EML6: variants seen among roughly 807,000 people sequenced by gnomAD.
EML6 encodes the protein EMAP like 6.
A neutral mutation model predicts 240.1 loss-of-function variants in EML6; 154 were observed. The observed-to-expected ratio is 0.64, with a 90% CI of 0.56 to 0.73. EML6 has a LOEUF of 0.73. EML6 is among the 30% of genes least tolerant of loss of function. The pLI is 0.00. For missense variants in EML6, 2,964 were observed against 2,474.6 expected (o/e 1.20, Z -4.20); for synonymous variants, 1,148 against 899.0 (o/e 1.28, Z -4.95).
At chr2:54,766,263 C>T (rs1668184548) in intron 2 of EML6, among the ~76,000 whole-genome samples, 2 of 152,132 alleles carry the variant, frequency 1.3e-5, no homozygotes, top group Non-Finnish European at 2.9e-5. Flanking sequence ...TGGCAATTGT[C>T]CCAATAATGT....
intron 7 of EML6, among the ~76,000 whole-genome samples, chr2:54,832,743 C>CA (rs1186692660): frequency 7.1e-6 from 1 of 141,652 alleles, no homozygotes; most frequent in Middle Eastern, 3.7e-3. Flanking sequence ...GTCCTCCCCA[C>CA]CCCCCCGCCA....
At chr2:54,767,597 A>AGTGT (rs111232633) in intron 2 of EML6, among the ~76,000 whole-genome samples, 4,144 of 145,456 alleles carry the variant, frequency 0.028, 148 homozygotes, top group African/African-American at 0.083. Context: ...TGGTATGAAG[A>AGTGT]GTGTGTGTGT....
At chr2:54,952,737 C>G (rs376570674) in intron 31 of EML6, 45 bp downstream of exon 31, 1 of 1,297,608 alleles carries the variant, frequency 7.7e-7, no homozygotes. Context: ...CTTGCAGGGA[C>G]GCTGACCTGT....
intron 3 of EML6, among the ~76,000 whole-genome samples, chr2:54,813,835 C>T (rs888994251): frequency 1.3e-5 from 2 of 152,204 alleles, no homozygotes; most frequent in African/African-American, 2.4e-5. Context: ...TGACTCTTTA[C>T]CCCTTGATGT....
At chr2:54,806,006 A>T (rs149319606) in intron 2 of EML6, among the ~76,000 whole-genome samples, 97 of 152,122 alleles carry the variant, frequency 6.4e-4, no homozygotes, top group Non-Finnish European at 7.4e-4. Flanking sequence ...ATTGATTTGT[A>T]TGTCTATCCT....
Position 54,816,826 on chromosome 2 carries a change from T to A in EML6, c.397T>A (p.Cys133Ser), listed in dbSNP as rs1208502333. The A allele has an allele frequency of 6.4e-7, 1 of 1,551,604 alleles. No homozygotes were observed. The highest frequency in any genetic ancestry group is 2.0e-5 in the Admixed American group (1 of 50,996). Reference protein sequence around the residue: ...SVGLDAKNTVCIWDWRKGKLL... With the variant: ...SVGLDAKNTVSIWDWRKGKLL... ...GGGGTTGGATGCCAAAAACACAGTC[T>A]GCATTTGGGACTGGAGGAAGGGAAA... Residue 133 changes from cysteine to serine, a missense_variant, in exon 4 of 42, where the codon TGC (cysteine) becomes AGC (serine). Cys to Ser is a moderately radical substitution (Grantham distance 112, BLOSUM62 -1). Transcript: ENST00000356458.
At chr2:54,932,542 A>C (rs1246711002) in intron 28 of EML6, among the ~76,000 whole-genome samples, 1 of 152,020 alleles carries the variant, frequency 6.6e-6, no homozygotes, top group East Asian at 1.9e-4. Flanking sequence ...TTTTGACCTT[A>C]TCTCCTTTGC....
intron 2 of EML6, among the ~76,000 whole-genome samples, chr2:54,748,864 G>C (rs921685682): frequency 2.6e-5 from 4 of 152,168 alleles, no homozygotes; most frequent in Non-Finnish European, 5.9e-5. Flanking sequence ...TCCCTGGCCA[G>C]AATCCCTGGA....
chr2:54,755,580 A>G (rs537661023), intron 2 of EML6, among the ~76,000 whole-genome samples: 2 of 152,238 alleles, frequency 1.3e-5, no homozygotes, highest in Non-Finnish European at 2.9e-5. Flanking sequence ...ATCTCTACGT[A>G]TTTGATGGGT....
rs1192756567 is a variant in EML6 at position 54,860,377 on chromosome 2, G to GAGA, written c.1825+679_1825+681dup. 3.3e-5 allele frequency among the ~76,000 whole-genome samples: 5 copies of GAGA among 152,290 alleles called. No individual in the cohort carries two copies. In the East Asian group the frequency reaches 5.8e-4, roughly 18 times the overall value. ...GGACTTCATCCCCTGGAGCAGTTCT[G>GAGA]AGAAGGAGCTTAAAAAATGCAGCCC... On this transcript the variant is annotated intron_variant, in intron 12 of 41. Coordinates refer to ENST00000356458, the MANE Select transcript of EML6 (RefSeq NM_001039753.4).
intron 2 of EML6, among the ~76,000 whole-genome samples, chr2:54,782,183 CT>C (rs761469197): frequency 6.6e-6 from 1 of 152,104 alleles, no homozygotes; most frequent in Non-Finnish European, 1.5e-5. Context: ...TCAAAAGTAT[CT>C]TTTCTGTACG....
chr2:54,838,342 C>T (rs372073996), intron 7 of EML6, among the ~76,000 whole-genome samples: 1 of 152,170 alleles, frequency 6.6e-6, no homozygotes, highest in African/African-American at 2.4e-5. Flanking sequence ...GACACTGGGT[C>T]ATGTGTTGTT....
chr2:54,874,366 G>T (rs1435846693), intron 16 of EML6, among the ~76,000 whole-genome samples: 1 of 152,200 alleles, frequency 6.6e-6, no homozygotes, highest in African/African-American at 2.4e-5. Context: ...TGAGGAGCCC[G>T]ATTCTGTAAC....
chr2:54,963,888 C>T (rs981665280), intron 36 of EML6, 98 bp from the exon 37 acceptor site: 11 of 1,150,714 alleles, frequency 9.6e-6, no homozygotes, highest in African/African-American at 9.4e-5. Flanking sequence ...GCAGTGGCTG[C>T]GAGGGCAGCC....
chr2:54,900,658 C>T (rs1021038396), intron 22 of EML6, among the ~76,000 whole-genome samples: 1 of 152,184 alleles, frequency 6.6e-6, no homozygotes, highest in East Asian at 1.9e-4. Flanking sequence ...AATGGCCCGG[C>T]CTCCCTATTC....
In EML6 at chr2:54,967,245, G is replaced by C. The variant is rs754352202; in HGVS notation, c.5597+142G>C. ...TTTCTTTTGGGGGTGAGGGTGGGAG[G>C]CTTCTTGGCTAGTCTAGTTTAGGTC... On this transcript the variant is annotated intron_variant, in intron 39 of 41. Transcript: ENST00000356458. 4 of 576,710 alleles carry C rather than the reference G, an allele frequency of 6.9e-6. No homozygotes were observed. In the Admixed American group the frequency reaches 8.9e-5, roughly 13 times the overall value. The allele number at this position is 576,710 out of a possible 1,614,324, so 35.7% of individuals were successfully genotyped here.
At chr2:54,849,268 A>G (rs1347082287) in intron 9 of EML6, among the ~76,000 whole-genome samples, 3 of 152,308 alleles carry the variant, frequency 2.0e-5, no homozygotes, top group Non-Finnish European at 4.4e-5. Context: ...TCTTTATGCT[A>G]GAGACATTTG....
chr2:54,949,865 T>A (rs956436873), intron 29 of EML6, among the ~76,000 whole-genome samples: 1 of 152,228 alleles, frequency 6.6e-6, no homozygotes, highest in Non-Finnish European at 1.5e-5. Flanking sequence ...TCATTCCTTC[T>A]GCTTAGAAGG....
rs1672531986 is a variant in EML6 at position 54,892,609 on chromosome 2, G to C, written c.2695G>C (p.Val899Leu). 2.6e-6 allele frequency: 4 copies of C among 1,551,824 alleles called. No individual in the cohort carries two copies. The South Asian group carries it at 4.8e-5, about 18-fold the overall frequency. Reference sequence around the variant, plus strand: ...GAAAGACATTCTACTACTGAAGACAGTGAAAGCTCATGATGGGCCTGTGTT... The same window carrying C: ...GAAAGACATTCTACTACTGAAGACACTGAAAGCTCATGATGGGCCTGTGTT... Reference protein sequence around the residue: ...IWKDILLLKTVKAHDGPVFAM... With the variant: ...IWKDILLLKTLKAHDGPVFAM... The change falls in exon 19 of 42, where the codon GTG (valine) becomes CTG (leucine). Residue 899 changes from valine (V) to leucine (L), a missense_variant. Val to Leu is a conservative substitution (Grantham distance 32). Coordinates refer to ENST00000356458, the MANE Select transcript of EML6 (RefSeq NM_001039753.4).
Sources: allele counts gnomAD v4.1 joint callset (sites outside exome capture counted in the v4.1 genomes callset), GRCh38; gene constraint gnomAD v4.1.1; transcripts MANE v1.5; gene names NCBI Gene and HGNC (gene_info 2026-07-23, HGNC 2026-07-21).